Variants in SLCO4A1 observed in about 807,000 individuals in gnomAD.
The protein encoded by SLCO4A1 is solute carrier organic anion transporter family member 4A1.
Under a neutral mutation model 64.6 loss-of-function variants are expected in SLCO4A1, and 51 were observed. The ratio of observed to expected loss-of-function variants is 0.79; its 90% CI spans 0.63 to 1.00. The LOEUF (loss-of-function observed/expected upper bound fraction) is 1.00, where lower values mean the gene tolerates loss of function less well. SLCO4A1 is among the 50% of genes least tolerant of loss of function. The pLI is 0.00. For synonymous variants in SLCO4A1, 471 were observed against 444.9 expected (o/e 1.06, Z -0.74); for missense variants, 919 against 980.5 (o/e 0.94, Z 0.84).
downstream of SLCO4A1, among the ~76,000 whole-genome samples, chr20:62,687,764 C>T (rs986012942): frequency 3.9e-5 from 6 of 152,202 alleles, no homozygotes; most frequent in Non-Finnish European, 5.9e-5. Context: ...CTGCTGGGGC[C>T]GCGGGTCCCA....
At position 62,656,925 on chromosome 20, in the gene SLCO4A1, C is replaced by T. The variant is rs1289207918; in HGVS notation, c.471C>T (p.Leu157=). The T allele has an allele frequency of 2.6e-6, 4 of 1,565,384 alleles. No individual in the cohort carries two copies. Among genetic ancestry groups the T allele is most frequent in the Non-Finnish European group, 2.6e-6 (3 of 1,150,074 alleles). ...SSYDIAACLC[L]TFVSYFGGSG... ...ACGACATTGCCGCCTGCCTCTGCCTCACCTTCGTCAGCTACTTCGGGGGCT... is the reference window on the plus strand; with the variant it reads ...ACGACATTGCCGCCTGCCTCTGCCTTACCTTCGTCAGCTACTTCGGGGGCT... Residue 157 remains leucine (L), a synonymous_variant, in exon 2 of 12, where the codon CTC becomes CTT. Transcript: ENST00000217159.
At chr20:62,677,470 C>G (rs771682616) in intron 2 of SLCO4A1, among the ~76,000 whole-genome samples, 1 of 152,112 alleles carries the variant, frequency 6.6e-6, no homozygotes, top group Non-Finnish European at 1.5e-5. Flanking sequence ...TGTGTGGGCC[C>G]CATGTTCAGA....
chr20:62,668,606 C>A, intron 10 of SLCO4A1, 65 bp downstream of exon 10: 1 of 1,435,474 alleles, frequency 7.0e-7, no homozygotes, highest in Non-Finnish European at 9.8e-7. Context: ...AGGGCATGGG[C>A]AAGTGTCTAA....
intron 7 of SLCO4A1, 173 bp from the exon 8 acceptor site, chr20:62,667,572 A>T: frequency 2.8e-6 from 2 of 701,902 alleles, no homozygotes; most frequent in Non-Finnish European, 4.7e-6. Flanking sequence ...CTATCACCAG[A>T]AGGCAGTGCC....
chr20:62,681,576 G>A (rs1463258194), intron 2 of SLCO4A1, among the ~76,000 whole-genome samples: 1 of 152,152 alleles, frequency 6.6e-6, no homozygotes, highest in Non-Finnish European at 1.5e-5. Context: ...TCGTGTGTGT[G>A]TGTGTTAATC....
chr20:62,644,394 G>A lies in SLCO4A1; in HGVS notation c.-97+1841G>A, dbSNP rs564727986. 6.6e-6 allele frequency among the ~76,000 whole-genome samples: 1 copy of A among 152,380 alleles called. No individual in the cohort carries two copies. The highest frequency in any genetic ancestry group is 2.1e-4 in the South Asian group (1 of 4,832). ...GCCGTGACCTAATCTGTAGCTCACT[G>A]GGTGTGGCCCCTAAAGCAGGTGCTG... On this transcript the variant is annotated intron_variant, in intron 1 of 11. Transcript: ENST00000217159. The surrounding 1 kb of genome is among the most constrained non-coding windows in gnomAD (Gnocchi z 5.4).
intron 4 of SLCO4A1, 97 bp from the exon 5 acceptor site, chr20:62,660,967 G>A (rs1039426165): frequency 1.2e-5 from 10 of 830,908 alleles, no homozygotes; most frequent in African/African-American, 3.4e-5. Flanking sequence ...TTCCCAGACC[G>A]GGGAGGGGCA....
At chr20:62,672,447 T>A (rs1987346341), downstream of SLCO4A1, 2 of 208,674 alleles carry the variant, frequency 9.6e-6, no homozygotes, top group African/African-American at 2.4e-5. Context: ...CGGCCTTCCT[T>A]ATCCACAGGC....
chr20:62,655,269 G>A (rs1383780142), intron 1 of SLCO4A1, among the ~76,000 whole-genome samples: 1 of 142,850 alleles, frequency 7.0e-6, no homozygotes, highest in Non-Finnish European at 1.6e-5. Flanking sequence ...CGGCACAGGT[G>A]TTCTGTATCA....
chr20:62,658,406 C>T (rs1984145942), intron 2 of SLCO4A1, among the ~76,000 whole-genome samples: 1 of 152,216 alleles, frequency 6.6e-6, no homozygotes. Context: ...ACTTAGACGC[C>T]CTGCAAACGG....
downstream of SLCO4A1, among the ~76,000 whole-genome samples, chr20:62,686,064 G>A (rs1051345664): frequency 6.6e-6 from 1 of 152,166 alleles, no homozygotes; most frequent in African/African-American, 2.4e-5. Context: ...GACTCCGAGA[G>A]CCCCTGCGTC....
At chr20:62,667,564 A>G (rs370610543) in intron 7 of SLCO4A1, 181 bp from the exon 8 acceptor site, 7 of 670,644 alleles carry the variant, frequency 1.0e-5, no homozygotes, top group Non-Finnish European at 1.5e-5. Flanking sequence ...AAACCATTCT[A>G]TCACCAGAAG....
rs988975959 is a variant in SLCO4A1, at chr20:62,656,366, C to T, written c.-89C>T. On this transcript the variant is annotated 5_prime_UTR_variant, in exon 2 of 12. Transcript: ENST00000217159. Reference sequence around the variant, plus strand: ...CAGACATTCTTCTCACAGGACACACCAGCCCCTCGGATACCACTTGGCCAC... The same window carrying T: ...CAGACATTCTTCTCACAGGACACACTAGCCCCTCGGATACCACTTGGCCAC... The T allele has an allele frequency of 4.4e-6, 5 of 1,138,976 alleles. No homozygotes were observed. In the African/African-American group the frequency reaches 7.8e-5, roughly 18 times the overall value. 70.6% of individuals were successfully genotyped at this position (1,138,976 alleles called of 1,614,324 possible).
At chr20:62,643,040 A>G (rs981173240) in intron 1 of SLCO4A1, 1 of 469,796 alleles carries the variant, frequency 2.1e-6, no homozygotes, top group Non-Finnish European at 4.4e-6. Flanking sequence ...TGCCGAGTCA[A>G]GGAGGAAACC....
chr20:62,682,100 C>G (rs1012372499), intron 2 of SLCO4A1, among the ~76,000 whole-genome samples: 1 of 152,236 alleles, frequency 6.6e-6, no homozygotes, highest in Non-Finnish European at 1.5e-5. Context: ...GCGTGCCTCT[C>G]CCTCCCTGCT....
chr20:62,689,409 C>T (rs1355097450), downstream of SLCO4A1, among the ~76,000 whole-genome samples: 1 of 152,244 alleles, frequency 6.6e-6, no homozygotes, highest in Non-Finnish European at 1.5e-5. Flanking sequence ...GTGCAGAAGC[C>T]AGGGCTCGCA....
downstream of SLCO4A1, chr20:62,672,311 C>T: frequency 1.9e-6 from 2 of 1,072,046 alleles, no homozygotes; most frequent in Non-Finnish European, 2.3e-6. Context: ...GTACCGCGTG[C>T]TTTATTTCTA....
chr20:62,661,031 C>G lies in SLCO4A1; in HGVS notation c.1010-33C>G. The G allele has an allele frequency of 1.1e-6, 1 of 944,604 alleles. No homozygotes were observed. The highest frequency in any genetic ancestry group is 1.5e-5 in the African/African-American group (1 of 64,544). The allele number at this position is 944,604 out of a possible 1,614,324, so 58.5% of individuals were successfully genotyped here. On this transcript the variant is annotated intron_variant, in intron 4 of 11. Coordinates refer to ENST00000217159, the MANE Select transcript of SLCO4A1 (RefSeq NM_016354.4). The surrounding 1 kb of genome is among the most constrained non-coding windows in gnomAD (Gnocchi z 5.2). ...GAAGTCCACCTCCGGGAGCCCCCAG[C>G]CCCCAGCCCCAGCTCACTCTGTGCC...
chr20:62,658,864 G>A, intron 3 of SLCO4A1, 97 bp downstream of exon 3: 2 of 1,090,332 alleles, frequency 1.8e-6, no homozygotes, highest in Non-Finnish European at 2.7e-6. Flanking sequence ...GTCAGGCCGG[G>A]CGCGGCGCAG....
Sources: gnomAD v4.1 joint callset for allele counts (sites outside exome capture counted in the v4.1 genomes callset) on GRCh38, gnomAD v4.1.1 for gene constraint, Gnocchi (gnomAD v3.1) non-coding constraint, MANE v1.5 for transcripts, NCBI Gene and HGNC (gene_info 2026-07-23, HGNC 2026-07-21) for gene names.